Variants in SPINK5 observed in about 807,000 individuals in gnomAD.
SPINK5 encodes the protein serine protease inhibitor Kazal-type 5.
Under a neutral mutation model 151.8 loss-of-function variants are expected in SPINK5, and 125 were observed. That is an observed-to-expected ratio of 0.82 (90% confidence interval 0.71 to 0.96). The LOEUF is 0.96. Among genes scored for constraint, SPINK5 ranks in the 40% least tolerant of loss-of-function variants. The pLI is 0.00. For synonymous variants in SPINK5, 374 were observed against 395.3 expected (o/e 0.95, Z 0.64); for missense variants, 1,194 against 1,291.9 (o/e 0.92, Z 1.16).
chr5:148,125,029 G>A (rs912840118), intron 28 of SPINK5, 192 bp downstream of exon 28: 48 of 802,742 alleles, frequency 6.0e-5, no homozygotes, highest in Middle Eastern at 4.2e-4. Context: ...TTTTGATTTT[G>A]TAGAAAATTC....
rs552155578 is a variant in SPINK5, at chr5:148,098,002, T to C, written c.1010+8T>C. The C allele has an allele frequency of 1.3e-5, 21 of 1,610,556 alleles. No homozygotes were observed. Among genetic ancestry groups the C allele is most frequent in the South Asian group, 2.2e-5 (2 of 91,018 alleles). The stretch of plus-strand genomic sequence containing the variant: ...CATGTGTCAAGCCTACTTGTGAGTA[T>C]AGAGTTTTAGAATGTCAAAGAAAGA... On this transcript the variant is annotated splice_region_variant and intron_variant, in intron 11 of 32. Coordinates refer to ENST00000256084, the MANE Select transcript of SPINK5 (RefSeq NM_006846.4).
In SPINK5 at chr5:148,124,065, A is replaced by T. The variant is rs547695285; in HGVS notation, c.2666+105A>T. The T allele has an allele frequency of 5.0e-5, 60 of 1,209,854 alleles. No individual in the cohort carries two copies. In the African/African-American group the frequency reaches 6.3e-4, roughly 13 times the overall value. The allele number at this position is 1,209,854 out of a possible 1,614,324, so 74.9% of individuals were successfully genotyped here. A position where few individuals can be genotyped will look rare whatever the true frequency, so the allele number is the denominator to read the frequency against. On this transcript the variant is annotated intron_variant, in intron 27 of 32. Coordinates refer to ENST00000256084, the MANE Select transcript of SPINK5 (RefSeq NM_006846.4). ...AGATACTTGGCATCACACATTAATG[A>T]TATGATACCTCCTCTCTTTTGAAGA...
intron 27 of SPINK5, 104 bp downstream of exon 27, chr5:148,124,064 G>A: frequency 8.1e-7 from 1 of 1,239,640 alleles, no homozygotes; most frequent in Admixed American, 1.9e-5. Flanking sequence ...ACACATTAAT[G>A]ATATGATACC....
chr5:148,090,150 A>G (rs1191601049), intron 7 of SPINK5, among the ~76,000 whole-genome samples: 3 of 151,954 alleles, frequency 2.0e-5, no homozygotes, highest in Non-Finnish European at 2.9e-5. Context: ...GTGCTTGGGC[A>G]TTAAAGACGC....
At chr5:148,131,128 G>A in intron 30 of SPINK5, 131 bp from the exon 31 acceptor site, 2 of 1,269,170 alleles carry the variant, frequency 1.6e-6, no homozygotes, top group South Asian at 1.2e-5. Flanking sequence ...CTTTGAGTTT[G>A]AATAACATAT....
intron 5 of SPINK5, among the ~76,000 whole-genome samples, chr5:148,086,752 T>C (rs1015466094): frequency 6.6e-6 from 1 of 151,708 alleles, no homozygotes; most frequent in Non-Finnish European, 1.5e-5. Context: ...ATTTATCAGA[T>C]GGTTATCACT....
chr5:148,124,037 C>T, intron 27 of SPINK5, 77 bp downstream of exon 27: 3 of 1,534,456 alleles, frequency 2.0e-6, no homozygotes, highest in Non-Finnish European at 2.7e-6. Context: ...CTTTTAAAAC[C>T]TAAGATACTT....
intron 4 of SPINK5, among the ~76,000 whole-genome samples, chr5:148,083,561 T>C (rs1341188122): frequency 6.6e-6 from 1 of 151,540 alleles, no homozygotes; most frequent in Non-Finnish European, 1.5e-5. Context: ...AGCCATACTT[T>C]TGATTATTTA....
chr5:148,135,462 G>A (rs957020048), intron 32 of SPINK5, among the ~76,000 whole-genome samples: 66 of 152,174 alleles, frequency 4.3e-4, no homozygotes, highest in Admixed American at 2.8e-3. Context: ...GAATGTTGCC[G>A]GGGCTTATCA....
In SPINK5 at chr5:148,089,491, C is replaced by T. The variant is rs1359196843; in HGVS notation, c.475-3C>T. On this transcript the variant is annotated splice_region_variant and splice_polypyrimidine_tract_variant and intron_variant, in intron 6 of 32. Transcript: ENST00000256084. The stretch of plus-strand genomic sequence containing the variant: ...GTTTCAAGTTCTTTTCCCTGTTCTT[C>T]AGGATGTATGCAGTGCTTTTCGGCC... The T allele has an allele frequency of 3.1e-6, 5 of 1,611,600 alleles. No homozygotes were observed. The highest frequency in any genetic ancestry group is 4.2e-6 in the Non-Finnish European group (5 of 1,178,424).
At chr5:148,119,803 C>T (rs1581101426) in intron 24 of SPINK5, among the ~76,000 whole-genome samples, 3 of 152,168 alleles carry the variant, frequency 2.0e-5, no homozygotes, top group East Asian at 3.9e-4. Context: ...CATATTCAAC[C>T]ATAATTCCTC....
chr5:148,134,688 A>G (rs902792168), intron 32 of SPINK5, among the ~76,000 whole-genome samples: 2 of 152,284 alleles, frequency 1.3e-5, no homozygotes, highest in Admixed American at 6.5e-5. Context: ...GAAAGTATGA[A>G]CTTTTTCTAA....
chr5:148,107,003 A>C, intron 16 of SPINK5, 34 bp from the exon 17 acceptor site: 1 of 1,607,428 alleles, frequency 6.2e-7, no homozygotes, highest in Non-Finnish European at 8.5e-7. Flanking sequence ...AGGATAGAAA[A>C]CTACTCTGAG....
chr5:148,103,663 T>C (rs1753705701), intron 15 of SPINK5, among the ~76,000 whole-genome samples: 1 of 152,216 alleles, frequency 6.6e-6, no homozygotes, highest in African/African-American at 2.4e-5. Context: ...ATAAATTCTT[T>C]ATTGAAAAGA....
intron 8 of SPINK5, among the ~76,000 whole-genome samples, chr5:148,091,975 G>A (rs140645605): frequency 2.6e-5 from 4 of 151,938 alleles, no homozygotes; most frequent in East Asian, 1.9e-4. Flanking sequence ...ACCTTTTGTT[G>A]AGAAGTCAGA....
In SPINK5 at chr5:148,101,445, A is replaced by AT. The variant is rs753603980; in HGVS notation, c.1302+10dup. The stretch of plus-strand genomic sequence containing the variant: ...GTACAGCTTCCTTTGAGGTGAGTTT[A>AT]TATCCTCCAGCAACTCAGAGGGATA... On this transcript the variant is annotated intron_variant, in intron 14 of 32. Transcript: ENST00000256084. The AT allele has an allele frequency of 5.6e-6, 9 of 1,598,126 alleles. No homozygotes were observed. Among genetic ancestry groups the AT allele is most frequent in the Middle Eastern group, 1.7e-4 (1 of 6,016 alleles).
chr5:148,107,642 T>C (rs1353849412), intron 17 of SPINK5, among the ~76,000 whole-genome samples: 1 of 152,224 alleles, frequency 6.6e-6, no homozygotes, highest in Non-Finnish European at 1.5e-5. Flanking sequence ...TTCAAGGACA[T>C]TACTATATAA....
chr5:148,094,053 G>T (rs1463190425), intron 8 of SPINK5, among the ~76,000 whole-genome samples: 3 of 151,930 alleles, frequency 2.0e-5, no homozygotes, highest in Non-Finnish European at 4.4e-5. Context: ...TCAACACTTT[G>T]GGAGGCCAAG....
intron 28 of SPINK5, 84 bp from the exon 29 acceptor site, chr5:148,125,639 A>G: frequency 1.3e-5 from 21 of 1,614,180 alleles, no homozygotes; most frequent in Non-Finnish European, 1.8e-5. Flanking sequence ...GAGCTAAGAG[A>G]GGACTTCCTA....
Sources: allele counts gnomAD v4.1 joint callset (sites outside exome capture counted in the v4.1 genomes callset), GRCh38; gene constraint gnomAD v4.1.1; transcripts MANE v1.5; gene names NCBI Gene and HGNC (gene_info 2026-07-23, HGNC 2026-07-21).